The following SEMA3A variants were observed in gnomAD, a reference collection of about 807,000 sequenced individuals.
The protein encoded by SEMA3A is semaphorin 3A, also known as semaphorin-3A.
Under a neutral mutation model 97.9 loss-of-function variants are expected in SEMA3A, and 29 were observed. The observed-to-expected ratio is 0.30, with a 90% CI of 0.22 to 0.40. SEMA3A has a LOEUF of 0.40. SEMA3A is among the 10% of genes least tolerant of loss of function. SEMA3A has a pLI of 1.00. For missense variants in SEMA3A, 763 were observed against 951.3 expected (o/e 0.80, Z 2.60); for synonymous variants, 321 against 323.7 (o/e 0.99, Z 0.09).
chr7:84,393,730 G>T (rs1803651217), intron 1 of SEMA3A, among the ~76,000 whole-genome samples: 1 of 152,084 alleles, frequency 6.6e-6, no homozygotes, highest in South Asian at 2.1e-4. Flanking sequence ...TAGAAAGGGT[G>T]CCATATTTGA....
intron 3 of SEMA3A, among the ~76,000 whole-genome samples, chr7:84,210,049 T>G (rs1271424551): frequency 2.0e-5 from 3 of 152,200 alleles, no homozygotes; most frequent in African/African-American, 4.8e-5. Context: ...CATCGAGATA[T>G]TCACATAGCG....
At chr7:84,472,803 T>C (rs979242792) in intron 1 of SEMA3A, among the ~76,000 whole-genome samples, 2 of 152,094 alleles carry the variant, frequency 1.3e-5, no homozygotes, top group Non-Finnish European at 2.9e-5. Flanking sequence ...ATCATATCAA[T>C]AGCTTATGTT....
At chr7:84,411,156 A>T (rs962416030) in intron 1 of SEMA3A, among the ~76,000 whole-genome samples, 3 of 152,114 alleles carry the variant, frequency 2.0e-5, no homozygotes, top group African/African-American at 7.2e-5. Flanking sequence ...GGAGAGGTAG[A>T]GAGATAGCAT....
chr7:84,377,767 A>G (rs979950089), intron 1 of SEMA3A, among the ~76,000 whole-genome samples: 9 of 152,120 alleles, frequency 5.9e-5, no homozygotes, highest in African/African-American at 2.2e-4. Context: ...CAGAGAAATA[A>G]TTTTTTATAT....
At chr7:84,314,581 G>A (rs184022966) in intron 2 of SEMA3A, among the ~76,000 whole-genome samples, 1 of 152,246 alleles carries the variant, frequency 6.6e-6, no homozygotes, top group East Asian at 1.9e-4. Flanking sequence ...GACATATAAT[G>A]TGTGCAATAT....
Position 84,301,762 on chromosome 7 carries a change from T to C in SEMA3A, c.-83+5445A>G, listed in dbSNP as rs112143840. On this transcript the variant is annotated intron_variant, in intron 3 of 3. Transcript: ENST00000424555. Reference sequence around the variant, plus strand: ...ATATACTTCTATTCACAAATAAACCTGAATTTGGCTTAAGTACTATAGTTT... The same window carrying C: ...ATATACTTCTATTCACAAATAAACCCGAATTTGGCTTAAGTACTATAGTTT... 3.3e-5 allele frequency among the ~76,000 whole-genome samples: 5 copies of C among 152,288 alleles called. 1 individual carries two copies. The highest frequency in any genetic ancestry group is 1.2e-4 in the African/African-American group (5 of 41,586).
At chr7:84,055,337 T>A (rs1000774083) in intron 5 of SEMA3A, among the ~76,000 whole-genome samples, 2 of 152,298 alleles carry the variant, frequency 1.3e-5, no homozygotes, top group East Asian at 3.9e-4. Context: ...CTCAGACTGC[T>A]GTGCTAGCAA....
intron 5 of SEMA3A, among the ~76,000 whole-genome samples, chr7:84,056,097 CAT>C (rs1367933419): frequency 1.3e-5 from 2 of 152,100 alleles, no homozygotes; most frequent in Non-Finnish European, 1.5e-5. Context: ...TTTGTGCTGA[CAT>C]ATGTAAACTA....
intron 3 of SEMA3A, among the ~76,000 whole-genome samples, chr7:84,240,619 G>C (rs1276286464): frequency 6.6e-6 from 1 of 152,096 alleles, no homozygotes; most frequent in Non-Finnish European, 1.5e-5. Context: ...CACATTGATT[G>C]GATCCAGTGG....
intron 12 of SEMA3A, among the ~76,000 whole-genome samples, chr7:83,991,258 T>C (rs182027474): frequency 3.8e-3 from 576 of 152,220 alleles, no homozygotes; most frequent in Admixed American, 6.0e-3. Context: ...GATCATGTCG[T>C]CTGCAAACAG....
intron 3 of SEMA3A, among the ~76,000 whole-genome samples, chr7:84,293,743 C>T (rs529283099): frequency 4.0e-5 from 6 of 151,780 alleles, no homozygotes; most frequent in African/African-American, 1.4e-4. Context: ...ATAGGTTTAC[C>T]TAAATTAGTC....
intron 1 of SEMA3A, among the ~76,000 whole-genome samples, chr7:84,469,070 G>A (rs1806077912): frequency 6.6e-6 from 1 of 152,062 alleles, no homozygotes; most frequent in South Asian, 2.1e-4. Flanking sequence ...AATAGAATAG[G>A]CTGAACTGAA....
At chr7:84,075,832 C>T (rs1209816710) in intron 4 of SEMA3A, among the ~76,000 whole-genome samples, 2 of 152,172 alleles carry the variant, frequency 1.3e-5, no homozygotes, top group South Asian at 2.1e-4. Flanking sequence ...ATATTGGTCT[C>T]CAGGCATTAT....
chr7:84,461,883 A>G (rs551616614), intron 1 of SEMA3A, among the ~76,000 whole-genome samples: 12 of 152,096 alleles, frequency 7.9e-5, no homozygotes, highest in Non-Finnish European at 1.2e-4. Flanking sequence ...TTTACAATTT[A>G]TGTTAACCAT....
intron 2 of SEMA3A, among the ~76,000 whole-genome samples, chr7:84,316,103 C>A (rs1166578676): frequency 7.8e-6 from 1 of 128,852 alleles, no homozygotes; most frequent in Non-Finnish European, 1.6e-5. Flanking sequence ...TGAAGGCCTG[C>A]CTGCACAATA....
chr7:83,983,217 T>C (rs940492509), intron 13 of SEMA3A, among the ~76,000 whole-genome samples: 1 of 147,420 alleles, frequency 6.8e-6, no homozygotes, highest in African/African-American at 2.4e-5. Flanking sequence ...TTCTTTCCTT[T>C]TCTTTTTCTT....
intron 2 of SEMA3A, among the ~76,000 whole-genome samples, chr7:84,359,781 C>G (rs888668129): frequency 6.6e-5 from 10 of 152,042 alleles, no homozygotes; most frequent in African/African-American, 2.4e-4. Context: ...ACATTTTTTG[C>G]TTGGTAAGCT....
At chr7:84,206,628 G>A (rs1421251182) in intron 3 of SEMA3A, among the ~76,000 whole-genome samples, 1 of 151,946 alleles carries the variant, frequency 6.6e-6, no homozygotes, top group Non-Finnish European at 1.5e-5. Context: ...GGCCTTCCAA[G>A]ATGGCATTTT....
chr7:84,049,695 G>C (rs1792516974), intron 5 of SEMA3A, among the ~76,000 whole-genome samples: 1 of 150,976 alleles, frequency 6.6e-6, no homozygotes. Context: ...ATTATATGTT[G>C]ATTCTTTTTT....
Sources: gnomAD v4.1 joint callset for allele counts (sites outside exome capture counted in the v4.1 genomes callset) on GRCh38, gnomAD v4.1.1 for gene constraint, MANE v1.5 for transcripts, NCBI Gene and HGNC (gene_info 2026-07-23, HGNC 2026-07-21) for gene names.